MCTS2: variants seen among roughly 807,000 people sequenced by gnomAD.
The protein encoded by MCTS2 is malignant T-cell-amplified sequence 2.
chr20:31,547,707 A>G, the MCTS2 span: 4 of 1,308,520 alleles, frequency 3.1e-6, no homozygotes, highest in Admixed American at 2.2e-5. Context: ...GTGGGGAATT[A>G]TTGTTTTTTA....
At chr20:31,547,711 T>C in the MCTS2 span, 110 of 1,281,510 alleles carry the variant, frequency 8.6e-5, 1 homozygote, top group Non-Finnish European at 1.1e-4. Flanking sequence ...GGAATTATTG[T>C]TTTTTAGACA....
the MCTS2 span, chr20:31,547,648 C>G: frequency 1.9e-6 from 3 of 1,571,272 alleles, no homozygotes; most frequent in African/African-American, 1.4e-5. Flanking sequence ...TAAGAAAGAT[C>G]CTGTCAAAAT....
chr20:31,547,476 C>G, the MCTS2 span: 2 of 618,092 alleles, frequency 3.2e-6, no homozygotes, highest in East Asian at 3.0e-5. Flanking sequence ...CGTTTGTTTC[C>G]CTGTTGTCGC....
chr20:31,547,694 T>C, the MCTS2 span: 1 of 1,357,610 alleles, frequency 7.4e-7, no homozygotes, highest in African/African-American at 1.5e-5. Context: ...ATCCTTACCG[T>C]AAGTGGGGAA....
the MCTS2 span, chr20:31,547,720 CAAAG>C: frequency 2.7e-5 from 32 of 1,198,358 alleles, no homozygotes; most frequent in African/African-American, 4.6e-5. Context: ...GTTTTTTAGA[CAAAG>C]AAAGGGGCCT....
the MCTS2 span, chr20:31,547,895 T>C: frequency 3.8e-6 from 4 of 1,059,758 alleles, no homozygotes; most frequent in African/African-American, 3.1e-5. Context: ...GTAGATACGA[T>C]TGTAGCAGTC....
chr20:31,547,529 A>C, the MCTS2 span: 1 of 801,702 alleles, frequency 1.2e-6, no homozygotes, highest in East Asian at 2.6e-5. Flanking sequence ...GATGAAAAGG[A>C]AAGTGTGTCC....
chr20:31,547,409 C>T, the MCTS2 span: 5 of 450,962 alleles, frequency 1.1e-5, no homozygotes, highest in South Asian at 2.9e-5. Flanking sequence ...TCTGGCAGGC[C>T]GCGTGGCGCC....
At chr20:31,548,029 C>T in the MCTS2 span, 1 of 1,587,236 alleles carries the variant, frequency 6.3e-7, no homozygotes, top group Non-Finnish European at 8.7e-7. Context: ...TGGGCTGTGG[C>T]ACATGAAGAC....
At chr20:31,547,838 T>C in the MCTS2 span, 1 of 931,414 alleles carries the variant, frequency 1.1e-6, no homozygotes, top group Non-Finnish European at 1.8e-6. Context: ...GCAAATATTA[T>C]GTGTCCAGGT....
the MCTS2 span, chr20:31,547,748 T>C: frequency 2.0e-6 from 2 of 1,017,110 alleles, no homozygotes; most frequent in South Asian, 2.7e-5. Flanking sequence ...TGTCCAACTC[T>C]AAGGTTGCTT....
chr20:31,547,946 T>C, the MCTS2 span: 2 of 1,412,792 alleles, frequency 1.4e-6, no homozygotes, highest in Non-Finnish European at 2.0e-6. Flanking sequence ...GTTGGGGTCA[T>C]GAAGATGTCT....
At chr20:31,547,459 C>G in the MCTS2 span, 2 of 590,036 alleles carry the variant, frequency 3.4e-6, no homozygotes, top group South Asian at 4.3e-5. Context: ...CGGAGCCTTG[C>G]CAATTCCGTT....
the MCTS2 span, chr20:31,547,683 A>C: frequency 2.1e-6 from 3 of 1,422,886 alleles, no homozygotes; most frequent in East Asian, 2.3e-5. Flanking sequence ...AACATACAGA[A>C]ATCCTTACCG....
At chr20:31,547,475 C>A in the MCTS2 span, 3 of 618,162 alleles carry the variant, frequency 4.9e-6, no homozygotes, top group Non-Finnish European at 8.6e-6. Context: ...CCGTTTGTTT[C>A]CCTGTTGTCG....
the MCTS2 span, chr20:31,547,623 TAATC>T: frequency 6.3e-7 from 1 of 1,578,532 alleles, no homozygotes. Context: ...AACCATGGCT[TAATC>T]AAATCATGCC....
chr20:31,547,925 A>G, the MCTS2 span: 1 of 1,249,196 alleles, frequency 8.0e-7, no homozygotes, highest in South Asian at 1.2e-5. Flanking sequence ...GGAAAACAGC[A>G]TGCTCTGTGT....
At chr20:31,547,967 T>TCAAC in the MCTS2 span, 1 of 1,541,316 alleles carries the variant, frequency 6.5e-7, no homozygotes, top group Non-Finnish European at 9.0e-7. Context: ...GCAGAAGATA[T>TCAAC]TGAGAAAGTC....
chr20:31,547,692 C>T, the MCTS2 span: 21 of 1,360,940 alleles, frequency 1.5e-5, no homozygotes, highest in East Asian at 2.3e-5. Context: ...AAATCCTTAC[C>T]GTAAGTGGGG....
Sources: allele counts gnomAD v4.1 joint callset, GRCh38; gene constraint gnomAD v4.1.1; transcripts MANE v1.5; gene names NCBI Gene and HGNC (gene_info 2026-07-23, HGNC 2026-07-21).